The following PDS5A variants were observed in gnomAD, a reference collection of about 807,000 sequenced individuals.
PDS5A encodes PDS5 cohesin associated factor A, also known as sister chromatid cohesion protein PDS5 homolog A.
PDS5A carries 42 observed loss-of-function variants against 167.1 expected under a neutral mutation model. The ratio of observed to expected loss-of-function variants is 0.25; its 90% CI spans 0.20 to 0.33. The LOEUF (loss-of-function observed/expected upper bound fraction) is 0.33. Among genes scored for constraint, PDS5A ranks in the 10% least tolerant of loss-of-function variants. The pLI, the probability that PDS5A is intolerant of heterozygous loss-of-function variation, is 1.00. For synonymous variants in PDS5A, 553 were observed against 554.6 expected (o/e 1.00, Z 0.04); for missense variants, 1,033 against 1,605.9 (o/e 0.64, Z 6.10).
intron 7 of PDS5A, 72 bp from the exon 8 acceptor site, chr4:39,917,260 ATTTT>A: frequency 1.0e-6 from 1 of 996,356 alleles, no homozygotes; most frequent in Non-Finnish European, 1.4e-6. Flanking sequence ...TTTAATAAAC[ATTTT>A]TTATAAATAA....
intron 2 of PDS5A, among the ~76,000 whole-genome samples, chr4:39,975,707 G>A (rs961369879): frequency 3.3e-5 from 5 of 152,130 alleles, no homozygotes; most frequent in Non-Finnish European, 5.9e-5. Flanking sequence ...ATCTCCTGGA[G>A]GTCAAAGTTG....
At chr4:39,857,970 A>C (rs1349547028) in intron 26 of PDS5A, among the ~76,000 whole-genome samples, 2 of 152,184 alleles carry the variant, frequency 1.3e-5, no homozygotes, top group Admixed American at 6.5e-5. Flanking sequence ...ATGCCTGGCC[A>C]AGAATAAAAT....
intron 30 of PDS5A, among the ~76,000 whole-genome samples, chr4:39,842,930 TATATATA>T (rs1212382299): frequency 1.5e-5 from 2 of 137,302 alleles, no homozygotes; most frequent in African/African-American, 5.6e-5. Flanking sequence ...TATATATATA[TATATATA>T]TTTTAAGAGA....
intron 18 of PDS5A, among the ~76,000 whole-genome samples, chr4:39,879,302 T>C (rs1720743624): frequency 6.6e-6 from 1 of 152,208 alleles, no homozygotes; most frequent in East Asian, 1.9e-4. Flanking sequence ...TTGTCTCCCA[T>C]CATTCCCCAA....
intron 30 of PDS5A, among the ~76,000 whole-genome samples, chr4:39,842,933 A>T (rs1366469484): frequency 2.2e-5 from 3 of 136,338 alleles, no homozygotes; most frequent in African/African-American, 8.3e-5. Flanking sequence ...ATATATATAT[A>T]TATATTTTAA....
intron 28 of PDS5A, 142 bp downstream of exon 28, chr4:39,848,709 A>C: frequency 1.5e-6 from 1 of 674,706 alleles, no homozygotes. Context: ...GGGCTGTGTA[A>C]GACAATTTCC....
chr4:39,931,376 A>G (rs533591666), intron 2 of PDS5A, among the ~76,000 whole-genome samples: 35 of 152,294 alleles, frequency 2.3e-4, no homozygotes, highest in Non-Finnish European at 2.9e-4. Flanking sequence ...TTAAAACAAT[A>G]ACATGTATTT....
chr4:39,955,028 A>C (rs1728796491), intron 2 of PDS5A, among the ~76,000 whole-genome samples: 1 of 152,118 alleles, frequency 6.6e-6, no homozygotes, highest in South Asian at 2.1e-4. Context: ...TGGGTGACAG[A>C]GCGAGACCCT....
At chr4:39,937,679 A>G (rs985131966) in intron 2 of PDS5A, among the ~76,000 whole-genome samples, 2 of 152,182 alleles carry the variant, frequency 1.3e-5, no homozygotes, top group Admixed American at 6.5e-5. Context: ...TTGACTTCCC[A>G]AAGTGGTGTA....
chr4:39,970,448 A>G lies in PDS5A; in HGVS notation c.138+5992T>C, dbSNP rs576789945. ...ATAGTTTCTCTCAAATGCTTAAAAA[A>G]AAAAAAAAAGCTGTCCTTTTTCTCC... is the stretch of plus-strand genomic sequence containing the variant. On this transcript the variant is annotated intron_variant, in intron 2 of 32. Transcript: ENST00000303538. Among the ~76,000 whole-genome samples the G allele has an allele frequency of 4.3e-3, 661 of 151,978 alleles. 3 individuals carry two copies. Among genetic ancestry groups the G allele is most frequent in the South Asian group, 6.6e-3 (32 of 4,814 alleles).
intron 2 of PDS5A, among the ~76,000 whole-genome samples, chr4:39,963,974 T>C (rs887938005): frequency 2.0e-5 from 3 of 152,128 alleles, no homozygotes; most frequent in African/African-American, 4.8e-5. Flanking sequence ...TGGAGCAATC[T>C]TGACTCACTG....
intron 16 of PDS5A, among the ~76,000 whole-genome samples, chr4:39,892,600 T>G (rs1722069905): frequency 6.6e-6 from 1 of 152,224 alleles, no homozygotes. Flanking sequence ...AATGGAAATA[T>G]TTGTCAGCCT....
intron 2 of PDS5A, among the ~76,000 whole-genome samples, chr4:39,974,629 C>T (rs1379616871): frequency 6.6e-6 from 1 of 152,096 alleles, no homozygotes; most frequent in Non-Finnish European, 1.5e-5. Flanking sequence ...ATCAAAACTT[C>T]CGCCTCCCGG....
intron 2 of PDS5A, among the ~76,000 whole-genome samples, chr4:39,961,498 T>G (rs1217087625): frequency 6.6e-6 from 1 of 152,082 alleles, no homozygotes; most frequent in African/African-American, 2.4e-5. Flanking sequence ...TGACCTCTGG[T>G]GGTCAGCCCA....
chr4:39,916,936 T>C (rs1435307248), intron 8 of PDS5A, 112 bp downstream of exon 8: 2 of 512,480 alleles, frequency 3.9e-6, no homozygotes, highest in Non-Finnish European at 6.7e-6. Context: ...AATTATGCGG[T>C]ATACATTTTT....
intron 19 of PDS5A, among the ~76,000 whole-genome samples, chr4:39,875,266 CTT>C (rs1410339806): frequency 6.6e-6 from 1 of 151,826 alleles, no homozygotes; most frequent in African/African-American, 2.4e-5. Flanking sequence ...CATATATGAA[CTT>C]ATAAAAAATA....
intron 2 of PDS5A, among the ~76,000 whole-genome samples, chr4:39,962,259 T>C (rs549609526): frequency 1.2e-4 from 18 of 152,062 alleles, no homozygotes; most frequent in Admixed American, 1.2e-3. Context: ...GGTTTCACTG[T>C]GTTAGCCAGG....
rs189624697 is a variant in PDS5A at position 39,838,531 on chromosome 4, C to T, written c.3658-323G>A. ...GAGCCCAGGAGTTCCAAACAATCCC[C>T]GGCAACATAGTGAGATCCCATCTCT... is the stretch of plus-strand genomic sequence containing the variant. On this transcript the variant is annotated intron_variant, in intron 31 of 32. Transcript: ENST00000303538. Among the ~76,000 whole-genome samples the T allele has an allele frequency of 1.1e-4, 16 of 152,058 alleles. No homozygotes were observed. In the East Asian group the frequency reaches 2.5e-3, roughly 24 times the overall value.
chr4:39,935,267 C>T (rs1229133016), intron 2 of PDS5A, among the ~76,000 whole-genome samples: 2 of 152,128 alleles, frequency 1.3e-5, no homozygotes, highest in Non-Finnish European at 2.9e-5. Context: ...CCACCACACC[C>T]AGCTACTTCC....
Sources: allele counts gnomAD v4.1 joint callset (sites outside exome capture counted in the v4.1 genomes callset), GRCh38; gene constraint gnomAD v4.1.1; transcripts MANE v1.5; gene names NCBI Gene and HGNC (gene_info 2026-07-23, HGNC 2026-07-21).